TMPRSS2: variants seen among roughly 807,000 people sequenced by gnomAD.
The protein encoded by TMPRSS2 is transmembrane serine protease 2, also known as transmembrane protease serine 2.
A neutral mutation model predicts 67.4 loss-of-function variants in TMPRSS2; 59 were observed. The observed-to-expected ratio is 0.88, with a 90% CI of 0.71 to 1.09. The LOEUF (loss-of-function observed/expected upper bound fraction) is 1.09. Among genes scored for constraint, TMPRSS2 ranks in the 50% least tolerant of loss-of-function variants. The probability of loss-of-function intolerance (pLI) is 0.00; values close to 1 mark genes in which losing one functional copy is unlikely to be tolerated. For synonymous variants in TMPRSS2, 257 were observed against 257.0 expected (o/e 1.00, Z 0.00); for missense variants, 668 against 642.7 (o/e 1.04, Z -0.43).
At chr21:41,500,178 C>T (rs1007781182) in intron 1 of TMPRSS2, among the ~76,000 whole-genome samples, 1 of 152,234 alleles carries the variant, frequency 6.6e-6, no homozygotes, top group Non-Finnish European at 1.5e-5. Flanking sequence ...ATTGAAGGTT[C>T]TGTGCCTCAG....
chr21:41,494,230 A>C (rs2146482474), intron 3 of TMPRSS2, 126 bp downstream of exon 3: 3 of 1,015,858 alleles, frequency 3.0e-6, no homozygotes, highest in Non-Finnish European at 4.3e-6. Context: ...CTGGCTCCGG[A>C]AGACGGAGGA....
Position 41,466,552 on chromosome 21 carries a change from G to A in TMPRSS2, c.1468-399C>T, listed in dbSNP as rs138812485. On this transcript the variant is annotated intron_variant, in intron 13 of 13. Transcript: ENST00000332149. ...CAGCCTGGCTGACCATCCCAGCCCT[G>A]CCAGCTTCCCTCCTGCCCTGCCTCC... Among the ~76,000 whole-genome samples the A allele has an allele frequency of 4.6e-5, 7 of 152,306 alleles. No homozygotes were observed. In the East Asian group the frequency reaches 1.4e-3, roughly 29 times the overall value.
chr21:41,500,608 T>G (rs2091417849), intron 1 of TMPRSS2, among the ~76,000 whole-genome samples: 2 of 152,324 alleles, frequency 1.3e-5, no homozygotes, highest in Non-Finnish European at 2.9e-5. Context: ...GCACCAATCA[T>G]TTATTTACTC....
chr21:41,489,501 A>G lies in TMPRSS2; in HGVS notation c.325+6T>C. 1.2e-6 allele frequency: 2 copies of G among 1,613,782 alleles called. No homozygotes were observed. The highest frequency in any genetic ancestry group is 1.7e-5 in the Admixed American group (1 of 59,996). On this transcript the variant is annotated splice_donor_region_variant and intron_variant, in intron 4 of 13. Coordinates refer to ENST00000332149, the MANE Select transcript of TMPRSS2 (RefSeq NM_005656.4). The stretch of plus-strand genomic sequence containing the variant: ...ACATGGTGGGATCGAGGCTCCCTGC[A>G]CTTACTGAACTTCCAGAGTAGGCCA...
At chr21:41,484,780 G>A (rs1601578599) in intron 5 of TMPRSS2, among the ~76,000 whole-genome samples, 1 of 152,188 alleles carries the variant, frequency 6.6e-6, no homozygotes, top group East Asian at 1.9e-4. Flanking sequence ...GCAAAAGGAT[G>A]GAGAAAACCT....
intron 6 of TMPRSS2, 118 bp downstream of exon 6, chr21:41,480,358 A>G (rs1270368157): frequency 1.3e-6 from 2 of 1,482,772 alleles, no homozygotes; most frequent in Non-Finnish European, 9.0e-7. Context: ...AGCTTTTGGA[A>G]GGTGACAATT....
intron 11 of TMPRSS2, among the ~76,000 whole-genome samples, chr21:41,469,630 T>G (rs1360969331): frequency 6.6e-6 from 1 of 152,136 alleles, no homozygotes; most frequent in Non-Finnish European, 1.5e-5. Context: ...CGAGAAGCCT[T>G]TCCTGACCAC....
In TMPRSS2 at chr21:41,478,617, ACAC is replaced by A. The variant is rs1175767215; in HGVS notation, c.683+552_683+554del. Among the ~76,000 whole-genome samples the A allele has an allele frequency of 2.0e-5, 3 of 152,152 alleles. No individual in the cohort carries two copies. The highest frequency in any genetic ancestry group is 4.4e-5 in the Non-Finnish European group (3 of 68,028). ...TTGTACCCACTTCTACCCCCTGGAAACACCACAACTCATTCCCAGGCCGCCAGA... is the reference window on the plus strand; with the variant it reads ...TTGTACCCACTTCTACCCCCTGGAAACACAACTCATTCCCAGGCCGCCAGA... On this transcript the variant is annotated intron_variant, in intron 7 of 13. Transcript: ENST00000332149. The surrounding 1 kb of genome is among the most constrained non-coding windows in gnomAD (Gnocchi z 4.0).
Position 41,507,698 on chromosome 21 carries a change from C to G in TMPRSS2, c.-57+383G>C, listed in dbSNP as rs978664158. ...TCCTCCCCAAAGAGAAAAGGCGCAC[C>G]GGTGCTCCCAGGCGGGGGCCGTGGA... On this transcript the variant is annotated intron_variant, in intron 1 of 13. Transcript: ENST00000332149. Among the ~76,000 whole-genome samples the G allele has an allele frequency of 2.0e-5, 3 of 152,194 alleles. No homozygotes were observed. The East Asian group carries it at 5.8e-4, about 29-fold the overall frequency.
At position 41,467,870 on chromosome 21, in the gene TMPRSS2, G is replaced by A. The variant is rs1390351354; in HGVS notation, c.1331C>T (p.Pro444Leu). 1.2e-6 allele frequency: 2 copies of A among 1,614,186 alleles called. No individual in the cohort carries two copies. Among genetic ancestry groups the A allele is most frequent in the South Asian group, 2.2e-5 (2 of 91,084 alleles). The change falls in exon 13 of 14, where the codon CCT becomes CTT. Residue 444 changes from proline (P) to leucine (L), a missense_variant. By Grantham distance (98) the Pro-to-Leu change is moderately conservative. Coordinates refer to ENST00000332149, the MANE Select transcript of TMPRSS2 (RefSeq NM_005656.4). ...VDSCQGDSGG[P>L]LVTSKNNIWW... ...GATATTGTTCTTCGAAGTGACCAGAGGCCCTCCACTGTCACCCTGTGGGAC... is the reference window on the plus strand; with the variant it reads ...GATATTGTTCTTCGAAGTGACCAGAAGCCCTCCACTGTCACCCTGTGGGAC...
At chr21:41,472,248 G>A (rs528822452) in intron 9 of TMPRSS2, among the ~76,000 whole-genome samples, 3 of 151,598 alleles carry the variant, frequency 2.0e-5, no homozygotes, top group East Asian at 2.0e-4. Context: ...ACAATGGGCC[G>A]ACATCCCTCC....
intron 10 of TMPRSS2, 133 bp downstream of exon 10, chr21:41,471,673 T>C (rs1310958610): frequency 9.7e-7 from 1 of 1,027,420 alleles, no homozygotes; most frequent in Non-Finnish European, 1.4e-6. Flanking sequence ...CCTCTCCCAT[T>C]GGCCACCCGC....
intron 9 of TMPRSS2, 104 bp from the exon 10 acceptor site, chr21:41,472,085 A>G: frequency 8.4e-7 from 1 of 1,185,374 alleles, no homozygotes; most frequent in East Asian, 2.4e-5. Flanking sequence ...CAGAGGCAGG[A>G]TGGTTCACCA....
intron 7 of TMPRSS2, among the ~76,000 whole-genome samples, chr21:41,477,126 T>C (rs2091220360): frequency 6.6e-6 from 1 of 152,210 alleles, no homozygotes; most frequent in Admixed American, 6.5e-5. Flanking sequence ...AAGTAACTGA[T>C]GCATTTTGTC....
At position 41,471,883 on chromosome 21, in the gene TMPRSS2, G is replaced by T. The variant is rs200744510; in HGVS notation, c.998C>A (p.Ser333Tyr). The T allele has an allele frequency of 1.2e-4, 193 of 1,613,516 alleles. No homozygotes were observed. The highest frequency in any genetic ancestry group is 1.6e-4 in the Non-Finnish European group (189 of 1,179,902). Reference sequence around the variant, plus strand: ...GGTCTTGGAGTCATAATTTGGATGAGAAATCACTTTTTCTACTTGGTATCC... The same window carrying T: ...GGTCTTGGAGTCATAATTTGGATGATAAATCACTTTTTCTACTTGGTATCC... ...GAGYQVEKVI[S>Y]HPNYDSKTKN... The change falls in exon 10 of 14, where the codon TCT (serine) becomes TAT (tyrosine). Residue 333 changes from serine (S) to tyrosine (Y), a missense_variant. By Grantham distance (144) the Ser-to-Tyr change is moderately radical. Coordinates refer to ENST00000332149, the MANE Select transcript of TMPRSS2 (RefSeq NM_005656.4).
intron 11 of TMPRSS2, among the ~76,000 whole-genome samples, chr21:41,470,415 A>C (rs2091122480): frequency 6.6e-6 from 1 of 152,236 alleles, no homozygotes; most frequent in South Asian, 2.1e-4. Context: ...TTCAAAAGCC[A>C]TTCCACATGC....
At chr21:41,484,681 C>T (rs867944305) in intron 5 of TMPRSS2, among the ~76,000 whole-genome samples, 2 of 151,918 alleles carry the variant, frequency 1.3e-5, no homozygotes, top group Middle Eastern at 3.2e-3. Context: ...TGTCAGGTTA[C>T]AGATCCACAC....
At chr21:41,493,881 C>G (rs1455463643) in intron 3 of TMPRSS2, among the ~76,000 whole-genome samples, 2 of 152,266 alleles carry the variant, frequency 1.3e-5, no homozygotes, top group Non-Finnish European at 2.9e-5. Flanking sequence ...TCAGATACTT[C>G]TGTGTGACAA....
Position 41,464,890 on chromosome 21 carries a change from G to A in TMPRSS2, c.*1252C>T, listed in dbSNP as rs2091072163. 4.3e-6 allele frequency: 1 copy of A among 233,182 alleles called. No homozygotes were observed. Among genetic ancestry groups the A allele is most frequent in the Admixed American group, 5.6e-5 (1 of 17,780 alleles). The allele number at this position is 233,182 out of a possible 1,614,324, so 14.4% of individuals were successfully genotyped here. A position where few individuals can be genotyped will look rare whatever the true frequency, so the allele number is the denominator to read the frequency against. ...TCATTTCATTCTTGCAAACCAGCCT[G>A]CTTGGCCAGGAGGCAGAACCATGGT... is the stretch of plus-strand genomic sequence containing the variant. On this transcript the variant is annotated 3_prime_UTR_variant, in exon 14 of 14. Transcript: ENST00000332149.
Sources: gnomAD v4.1 joint callset for allele counts (sites outside exome capture counted in the v4.1 genomes callset) on GRCh38, gnomAD v4.1.1 for gene constraint, Gnocchi (gnomAD v3.1) non-coding constraint, MANE v1.5 for transcripts, NCBI Gene and HGNC (gene_info 2026-07-23, HGNC 2026-07-21) for gene names.